FSD1L: variants seen among roughly 807,000 people sequenced by gnomAD.
FSD1L encodes fibronectin type III and SPRY domain containing 1 like, also known as FSD1-like protein.
A neutral mutation model predicts 71.6 loss-of-function variants in FSD1L; 45 were observed. The observed-to-expected ratio is 0.63, with a 90% CI of 0.49 to 0.81. The LOEUF (loss-of-function observed/expected upper bound fraction) is 0.81. Ranked by LOEUF, FSD1L falls within the 30% of genes least tolerant of loss-of-function variation. The pLI is 0.00. For missense variants in FSD1L, 561 were observed against 618.1 expected, an observed-to-expected ratio of 0.91 and a Z score of 0.98; for synonymous variants, 197 against 207.2, an observed-to-expected ratio of 0.95 and a Z score of 0.42.
intron 10 of FSD1L, chr9:105,520,504 A>C (rs1429546938): frequency 9.2e-7 from 1 of 1,084,860 alleles, no homozygotes; most frequent in African/African-American, 1.5e-5. Context: ...ACTGGATGCT[A>C]TACTTTTTAT....
At chr9:105,478,237 T>G (rs780482756) in intron 5 of FSD1L, among the ~76,000 whole-genome samples, 10 of 152,154 alleles carry the variant, frequency 6.6e-5, no homozygotes, top group Non-Finnish European at 1.3e-4. Flanking sequence ...AGAACAAGAC[T>G]CTGTCTCAAA....
At chr9:105,525,815 G>A in intron 10 of FSD1L, 1 of 1,607,052 alleles carries the variant, frequency 6.2e-7, no homozygotes, top group Middle Eastern at 1.7e-4. Flanking sequence ...GGTTTTATGG[G>A]AGGACTACAA....
chr9:105,471,738 A>ATATG (rs1334766322), intron 4 of FSD1L, among the ~76,000 whole-genome samples, 166 bp from the exon 5 acceptor site: 1 of 147,694 alleles, frequency 6.8e-6, no homozygotes, highest in Non-Finnish European at 1.5e-5. Context: ...ATATATATAT[A>ATATG]TATATATAAC....
chr9:105,447,815 G>A, upstream of FSD1L: 1 of 290,898 alleles, frequency 3.4e-6, no homozygotes, highest in Non-Finnish European at 6.5e-6. Context: ...CGGGCCCTCC[G>A]CACCGGCCGG....
intron 10 of FSD1L, chr9:105,523,675 A>G (rs1206548979): frequency 1.1e-5 from 17 of 1,599,964 alleles, no homozygotes; most frequent in African/African-American, 2.7e-5. Flanking sequence ...ACTGATAAAT[A>G]TAAACAAGGT....
At chr9:105,471,455 A>G (rs571827466) in intron 4 of FSD1L, among the ~76,000 whole-genome samples, 1 of 152,252 alleles carries the variant, frequency 6.6e-6, no homozygotes, top group Non-Finnish European at 1.5e-5. Context: ...ATAAAATTGA[A>G]TTGCGAGCAT....
At chr9:105,466,946 A>T (rs1488770487) in intron 3 of FSD1L, among the ~76,000 whole-genome samples, 1 of 152,182 alleles carries the variant, frequency 6.6e-6, no homozygotes, top group Non-Finnish European at 1.5e-5. Context: ...TTAAACTACA[A>T]CCTCGTTGCT....
At chr9:105,502,520 T>C (rs1449260734) in intron 7 of FSD1L, among the ~76,000 whole-genome samples, 1 of 152,186 alleles carries the variant, frequency 6.6e-6, no homozygotes, top group Non-Finnish European at 1.5e-5. Flanking sequence ...ATAACATTTT[T>C]CCCCCATAAT....
chr9:105,447,906 G>A, upstream of FSD1L: 1 of 489,390 alleles, frequency 2.0e-6, no homozygotes, highest in Non-Finnish European at 3.6e-6. Context: ...AGGGAGTGCA[G>A]CCTGCAGAGG....
At chr9:105,444,478 A>G (rs892013391), upstream of FSD1L, among the ~76,000 whole-genome samples, 12 of 152,194 alleles carry the variant, frequency 7.9e-5, no homozygotes, top group African/African-American at 2.2e-4. Flanking sequence ...CAACACTGAA[A>G]GGAAGGAAAT....
At position 105,549,422 on chromosome 9, in the gene FSD1L, T is replaced by C. The variant is rs1372177123; in HGVS notation, c.*2939T>C. On this transcript the variant is annotated 3_prime_UTR_variant, in exon 14 of 14. Coordinates refer to ENST00000481272, the MANE Select transcript of FSD1L (RefSeq NM_001145313.3). ...TATGTAGATACCAAGCATTAATAACTAATGCACACAGAAATTTAATATACA... is the reference window on the plus strand; with the variant it reads ...TATGTAGATACCAAGCATTAATAACCAATGCACACAGAAATTTAATATACA... The C allele has an allele frequency of 2.0e-5, 3 of 152,098 alleles. No homozygotes were observed. The highest frequency in any genetic ancestry group is 4.8e-5 in the African/African-American group (2 of 41,446). 9.4% of individuals were successfully genotyped at this position (152,098 alleles called of 1,614,324 possible).
chr9:105,490,433 T>C (rs1436156160), intron 7 of FSD1L, among the ~76,000 whole-genome samples: 2 of 152,262 alleles, frequency 1.3e-5, no homozygotes, highest in South Asian at 4.1e-4. Flanking sequence ...AGGTTGCGAA[T>C]ATTTTCTCCC....
intron 4 of FSD1L, among the ~76,000 whole-genome samples, chr9:105,471,262 A>C (rs1402636721): frequency 6.6e-6 from 1 of 152,220 alleles, no homozygotes; most frequent in African/African-American, 2.4e-5. Context: ...GTGATGTTCC[A>C]GTGCAACTGG....
chr9:105,448,156 C>G lies in FSD1L; in HGVS notation c.-65C>G. On this transcript the variant is annotated 5_prime_UTR_variant, in exon 1 of 14. In the 5' UTR this introduces an upstream ATG that the reference lacks. Coordinates refer to ENST00000481272, the MANE Select transcript of FSD1L (RefSeq NM_001145313.3). ...GAGTAGCGGTCTTGGGGTGTGCGAT[C>G]TCGCTGAGCCTCCTCACACGGTTCG... 4 of 1,513,638 alleles carry G rather than the reference C, an allele frequency of 2.6e-6. No individual in the cohort carries two copies. The highest frequency in any genetic ancestry group is 3.6e-6 in the Non-Finnish European group (4 of 1,116,494). 93.8% of individuals were successfully genotyped at this position (1,513,638 alleles called of 1,614,324 possible).
chr9:105,468,507 ATT>A (rs368002893), intron 4 of FSD1L, among the ~76,000 whole-genome samples, 183 bp downstream of exon 4: 11 of 141,736 alleles, frequency 7.8e-5, no homozygotes, highest in East Asian at 2.0e-4. Flanking sequence ...TCTCTTAACC[ATT>A]TTTTTTTTTT....
In FSD1L at chr9:105,448,141, C is replaced by T; in HGVS notation, c.-80C>T. 4 of 1,427,304 alleles carry T rather than the reference C, an allele frequency of 2.8e-6. No homozygotes were observed. Among genetic ancestry groups the T allele is most frequent in the Middle Eastern group, 3.5e-4 (2 of 5,722 alleles). 88.4% of individuals were successfully genotyped at this position (1,427,304 alleles called of 1,614,324 possible). A position where few individuals can be genotyped will look rare whatever the true frequency, so the allele number is the denominator to read the frequency against. On this transcript the variant is annotated 5_prime_UTR_variant, in exon 1 of 14. Transcript: ENST00000481272. ...CTGGGGCAGTGCAGTGAGTAGCGGT[C>T]TTGGGGTGTGCGATCTCGCTGAGCC...
rs1249692727 is a variant in FSD1L, at chr9:105,551,837, G to C, written c.*5354G>C. The C allele has an allele frequency of 6.6e-6, 1 of 152,182 alleles. No homozygotes were observed. The highest frequency in any genetic ancestry group is 1.5e-5 in the Non-Finnish European group (1 of 68,010). 9.4% of individuals were successfully genotyped at this position (152,182 alleles called of 1,614,324 possible). ...GCATTTGCACTTTGAAGTTAGGGCT[G>C]CCCAGTGCCACATGCAAAGAGTGTA... On this transcript the variant is annotated 3_prime_UTR_variant, in exon 14 of 14. Coordinates refer to ENST00000481272, the MANE Select transcript of FSD1L (RefSeq NM_001145313.3).
chr9:105,460,783 C>T (rs1473056312), intron 1 of FSD1L, among the ~76,000 whole-genome samples: 1 of 152,108 alleles, frequency 6.6e-6, no homozygotes, highest in Non-Finnish European at 1.5e-5. Flanking sequence ...TTTGCACTTT[C>T]TGTGATCCCA....
intron 10 of FSD1L, among the ~76,000 whole-genome samples, chr9:105,516,988 G>A (rs933946298): frequency 2.0e-5 from 3 of 152,174 alleles, no homozygotes; most frequent in African/African-American, 4.8e-5. Context: ...TAAATGACCC[G>A]ATGGAGCTGA....
Sources: gnomAD v4.1 joint callset for allele counts (sites outside exome capture counted in the v4.1 genomes callset) on GRCh38, gnomAD v4.1.1 for gene constraint, MANE v1.5 for transcripts, NCBI Gene and HGNC (gene_info 2026-07-23, HGNC 2026-07-21) for gene names.